Variants in SYNPO observed in about 807,000 individuals in gnomAD.
SYNPO encodes synaptopodin.
A neutral mutation model predicts 49.5 loss-of-function variants in SYNPO; 19 were observed. The ratio of observed to expected loss-of-function variants is 0.38; its 90% confidence interval spans 0.27 to 0.56. The LOEUF is 0.56. Ranked by LOEUF, SYNPO falls within the 20% of genes least tolerant of loss-of-function variation. The pLI is 0.68. For missense variants in SYNPO, 1,131 were observed against 1,248.3 expected (o/e 0.91, Z 1.42); for synonymous variants, 536 against 548.0 (o/e 0.98, Z 0.31).
At chr5:150,620,899 CTCTTTCTTTCTT>C (rs60102848) in intron 2 of SYNPO, among the ~76,000 whole-genome samples, 1,405 of 108,816 alleles carry the variant, frequency 0.013, 28 homozygotes, top group African/African-American at 0.041. Flanking sequence ...TTCTTTTTTT[CTCTTTCTTTCTT>C]TCTTTCTTTC....
chr5:150,588,074 G>A, the SYNPO span, among the ~76,000 whole-genome samples: 6 of 152,330 alleles, frequency 3.9e-5, no homozygotes, highest in South Asian at 1.0e-3. Context: ...ATGAGTCAGT[G>A]TACAGTATGA....
chr5:150,626,650 GA>G (rs1297804662), intron 2 of SYNPO, among the ~76,000 whole-genome samples: 1 of 152,162 alleles, frequency 6.6e-6, no homozygotes, highest in East Asian at 1.9e-4. Flanking sequence ...CTTAAGGTAG[GA>G]AAAAAACCAA....
intron 2 of SYNPO, among the ~76,000 whole-genome samples, chr5:150,621,683 T>A (rs1757179454): frequency 6.6e-6 from 1 of 152,190 alleles, no homozygotes; most frequent in Non-Finnish European, 1.5e-5. Context: ...AGCCACTATA[T>A]CTTCTGCTTT....
exon 2 of SYNPO, chr5:150,618,247 C>A: frequency 7.9e-7 from 1 of 1,260,596 alleles, no homozygotes; most frequent in Non-Finnish European, 1.1e-6. Context: ...GGCAAAAGTG[C>A]AGAGAGTCAG....
Position 150,657,243 on chromosome 5 carries a change from T to C in SYNPO, c.*156T>C. Reference sequence around the variant, plus strand: ...TGGGGATGGGTTAGGGACGCAAGCTTGAGTTCTAGCCCTTGCTCTCATTCA... The same window carrying C: ...TGGGGATGGGTTAGGGACGCAAGCTCGAGTTCTAGCCCTTGCTCTCATTCA... On this transcript the variant is annotated 3_prime_UTR_variant, in exon 3 of 3. Coordinates refer to ENST00000307662, the MANE Select transcript of SYNPO (RefSeq NM_007286.6). 1 of 784,260 alleles carries C rather than the reference T, an allele frequency of 1.3e-6. No individual in the cohort carries two copies. The highest frequency in any genetic ancestry group is 2.0e-6 in the Non-Finnish European group (1 of 504,942). The allele number at this position is 784,260 out of a possible 1,614,324, so 48.6% of individuals were successfully genotyped here.
chr5:150,625,979 G>C (rs1757343455), intron 2 of SYNPO, among the ~76,000 whole-genome samples: 1 of 152,256 alleles, frequency 6.6e-6, no homozygotes, highest in Non-Finnish European at 1.5e-5. Context: ...GGTAGCCCCT[G>C]AGGGGGAAAT....
intron 1 of SYNPO, 68 bp downstream of exon 1, chr5:150,640,922 C>T (rs888040215): frequency 5.5e-5 from 45 of 824,056 alleles, no homozygotes; most frequent in Non-Finnish European, 6.4e-5. Flanking sequence ...ATGTGGCATC[C>T]CCCCTCTGAT....
chr5:150,624,059 C>T (rs933101557), intron 2 of SYNPO, among the ~76,000 whole-genome samples: 2 of 152,232 alleles, frequency 1.3e-5, no homozygotes, highest in Non-Finnish European at 2.9e-5. Flanking sequence ...GGGCTTCGCA[C>T]GCTCAATCTG....
chr5:150,657,093 C>T lies in SYNPO; in HGVS notation c.*6C>T, dbSNP rs2151436379. 6.6e-7 allele frequency: 1 copy of T among 1,521,006 alleles called. No homozygotes were observed. 94.2% of individuals were successfully genotyped at this position (1,521,006 alleles called of 1,614,324 possible). On this transcript the variant is annotated 3_prime_UTR_variant, in exon 3 of 3. Coordinates refer to ENST00000307662, the MANE Select transcript of SYNPO (RefSeq NM_007286.6). ...AGGCCTCCTGCACCACCTAGAGCCC[C>T]ACCCCCGACCCCACCCCGGGAGGGC...
chr5:150,651,602 C>T, intron 2 of SYNPO: 1 of 974,904 alleles, frequency 1.0e-6, no homozygotes, highest in Non-Finnish European at 1.2e-6. Context: ...CTGGGCTGGG[C>T]TGGGCTGGCT....
At chr5:150,614,800 C>T (rs555443788) in intron 1 of SYNPO, 99 of 152,228 alleles carry the variant, frequency 6.5e-4, no homozygotes, top group African/African-American at 2.1e-3. Flanking sequence ...AGAGGAGATC[C>T]GCCCTCATGG....
chr5:150,644,170 G>GAAA (rs11306904), intron 1 of SYNPO, among the ~76,000 whole-genome samples: 1 of 116,262 alleles, frequency 8.6e-6, no homozygotes, highest in Non-Finnish European at 1.9e-5. Context: ...CCCTGTCTCA[G>GAAA]AAAAAAAAAA....
chr5:150,587,964 T>G, the SYNPO span, among the ~76,000 whole-genome samples: 1 of 152,168 alleles, frequency 6.6e-6, no homozygotes, highest in Admixed American at 6.5e-5. Flanking sequence ...TCAGCCTTAC[T>G]GAGCTGTGTT....
chr5:150,609,351 A>G (rs1756780330), intron 1 of SYNPO, among the ~76,000 whole-genome samples: 1 of 152,166 alleles, frequency 6.6e-6, no homozygotes, highest in Admixed American at 6.5e-5. Flanking sequence ...CTGGAGTGCA[A>G]TGGCTCTATC....
chr5:150,619,087 A>G (rs1267471494), intron 2 of SYNPO, among the ~76,000 whole-genome samples: 2 of 151,970 alleles, frequency 1.3e-5, no homozygotes, highest in Non-Finnish European at 2.9e-5. Context: ...TTTAATCATT[A>G]GCGGCAACAA....
chr5:150,602,912 T>C (rs561369617), intron 1 of SYNPO, among the ~76,000 whole-genome samples: 1 of 152,254 alleles, frequency 6.6e-6, no homozygotes, highest in Non-Finnish European at 1.5e-5. Flanking sequence ...TGATCTGCTA[T>C]GTAGGCCATC....
chr5:150,626,236 C>G (rs1231728394), intron 2 of SYNPO, among the ~76,000 whole-genome samples: 1 of 152,182 alleles, frequency 6.6e-6, no homozygotes, highest in Non-Finnish European at 1.5e-5. Context: ...GCCATATTGT[C>G]TCAGGCAGGC....
intron 1 of SYNPO, among the ~76,000 whole-genome samples, chr5:150,606,850 C>T (rs1316596771): frequency 6.6e-6 from 1 of 152,192 alleles, no homozygotes; most frequent in Non-Finnish European, 1.5e-5. Context: ...CTTTCCTTGA[C>T]CTGCCCCCAA....
chr5:150,650,780 C>A, intron 2 of SYNPO: 4 of 1,290,616 alleles, frequency 3.1e-6, no homozygotes, highest in South Asian at 3.3e-5. Flanking sequence ...TCAGCTGCCC[C>A]AGGGGGGCCT....
Sources: gnomAD v4.1 joint callset for allele counts (sites outside exome capture counted in the v4.1 genomes callset) on GRCh38, gnomAD v4.1.1 for gene constraint, MANE v1.5 for transcripts, NCBI Gene and HGNC (gene_info 2026-07-23, HGNC 2026-07-21) for gene names.